Variants in THSD4 observed in about 807,000 individuals in gnomAD.
The protein encoded by THSD4 is thrombospondin type 1 domain containing 4, also known as thrombospondin type-1 domain-containing protein 4.
A neutral mutation model predicts 119.0 loss-of-function variants in THSD4; 69 were observed. The observed-to-expected ratio is 0.58, with a 90% CI of 0.48 to 0.71. The LOEUF is 0.71. Ranked by LOEUF, THSD4 falls within the 30% of genes least tolerant of loss-of-function variation. THSD4 has a pLI of 0.00. For missense variants in THSD4, 1,393 were observed against 1,391.1 expected (o/e 1.00, Z -0.02); for synonymous variants, 524 against 540.4 (o/e 0.97, Z 0.42).
At chr15:71,428,963 C>A (rs2046908787) in intron 7 of THSD4, among the ~76,000 whole-genome samples, 1 of 152,198 alleles carries the variant, frequency 6.6e-6, no homozygotes, top group African/African-American at 2.4e-5. Flanking sequence ...CATGCTCATT[C>A]ATTTTACATT....
At chr15:71,122,414 C>A (rs1189286248) in intron 1 of THSD4, among the ~76,000 whole-genome samples, 2 of 152,146 alleles carry the variant, frequency 1.3e-5, no homozygotes, top group Non-Finnish European at 2.9e-5. Flanking sequence ...AAAACAAATA[C>A]TGGCGGTGGG....
intron 6 of THSD4, among the ~76,000 whole-genome samples, chr15:71,366,304 G>A (rs560879382): frequency 6.6e-5 from 10 of 152,216 alleles, no homozygotes; most frequent in East Asian, 3.9e-4. Flanking sequence ...TCGATCTCCC[G>A]TCCTCATGAT....
chr15:71,540,135 C>CT (rs35668266), intron 7 of THSD4, among the ~76,000 whole-genome samples: 1,581 of 95,102 alleles, frequency 0.017, 62 homozygotes, highest in African/African-American at 0.05. Context: ...ATTTTATTTA[C>CT]TTTTTTTTTT....
intron 7 of THSD4, among the ~76,000 whole-genome samples, chr15:71,466,253 G>A (rs1443540362): frequency 6.6e-6 from 1 of 151,712 alleles, no homozygotes; most frequent in Non-Finnish European, 1.5e-5. Flanking sequence ...GCTGAGGCAG[G>A]AGAATGGTGT....
chr15:71,295,033 C>T (rs543481800), intron 6 of THSD4, among the ~76,000 whole-genome samples: 54 of 151,636 alleles, frequency 3.6e-4, no homozygotes, highest in African/African-American at 1.2e-3. Context: ...GGGTGAGTGG[C>T]GCTTGCGTCA....
At chr15:71,488,920 T>A (rs2047867672) in intron 7 of THSD4, among the ~76,000 whole-genome samples, 1 of 152,206 alleles carries the variant, frequency 6.6e-6, no homozygotes, top group Non-Finnish European at 1.5e-5. Context: ...ATTAATTCCT[T>A]ATGCTTCTCT....
Position 71,551,751 on chromosome 15 carries a change from G to A in THSD4, c.1153-108779G>A, listed in dbSNP as rs184518271. On this transcript the variant is annotated intron_variant, in intron 7 of 17. Transcript: ENST00000261862. ...TTGCCAGCTAGGAAGCTTGTTAGAG[G>A]CCTAGAGCCCAGCATCTTTACTGGG... 1.8e-4 allele frequency among the ~76,000 whole-genome samples: 28 copies of A among 152,228 alleles called. No individual in the cohort carries two copies. In the East Asian group the frequency reaches 5.2e-3, roughly 28 times the overall value.
intron 6 of THSD4, among the ~76,000 whole-genome samples, chr15:71,283,950 T>G (rs1450337989): frequency 6.6e-6 from 1 of 152,038 alleles, no homozygotes; most frequent in African/African-American, 2.4e-5. Flanking sequence ...GATTCTTTAC[T>G]TTAGAAAAGA....
intron 8 of THSD4, among the ~76,000 whole-genome samples, chr15:71,728,110 T>G (rs1201601448): frequency 6.6e-6 from 1 of 152,120 alleles, no homozygotes. Flanking sequence ...GCTCAGTTAT[T>G]TTTTTTAATA....
At chr15:71,642,543 AC>A (rs1033013336) in intron 7 of THSD4, among the ~76,000 whole-genome samples, 2 of 152,210 alleles carry the variant, frequency 1.3e-5, no homozygotes, top group Admixed American at 6.5e-5. Flanking sequence ...AAGACTTGGA[AC>A]CAACCCAAAT....
At chr15:71,774,101 CA>C (rs2053870567) in intron 17 of THSD4, among the ~76,000 whole-genome samples, 2 of 151,990 alleles carry the variant, frequency 1.3e-5, no homozygotes, top group African/African-American at 4.8e-5. Context: ...TCACTTGGGC[CA>C]GGAGTTTGAG....
intron 6 of THSD4, among the ~76,000 whole-genome samples, chr15:71,350,910 G>A (rs2140405326): frequency 6.6e-6 from 1 of 152,306 alleles, no homozygotes; most frequent in African/African-American, 2.4e-5. Flanking sequence ...GGCGGTGGCT[G>A]TTTTATTACC....
At chr15:71,259,182 G>A (rs970865377) in intron 6 of THSD4, among the ~76,000 whole-genome samples, 2 of 152,028 alleles carry the variant, frequency 1.3e-5, no homozygotes, top group African/African-American at 4.8e-5. Flanking sequence ...TATGCCAAGT[G>A]ATGATGAAGA....
chr15:71,392,031 A>G (rs1801485913), intron 6 of THSD4, among the ~76,000 whole-genome samples: 3 of 152,186 alleles, frequency 2.0e-5, no homozygotes, highest in South Asian at 2.1e-4. Flanking sequence ...TAACTTGGCC[A>G]TGTTTCTATG....
intron 6 of THSD4, among the ~76,000 whole-genome samples, chr15:71,304,099 C>T (rs2044990600): frequency 6.6e-6 from 1 of 152,204 alleles, no homozygotes; most frequent in African/African-American, 2.4e-5. Flanking sequence ...ATGCCTCTAG[C>T]AGTGTTGGAC....
rs139989038 is a variant in THSD4, at chr15:71,712,666, C to T, written c.1358-15883C>T. Among the ~76,000 whole-genome samples, 61 of 152,288 alleles carry T rather than the reference C, an allele frequency of 4.0e-4. 1 individual carries two copies. Among genetic ancestry groups the T allele is most frequent in the African/African-American group, 1.4e-3 (59 of 41,560 alleles). On this transcript the variant is annotated intron_variant, in intron 8 of 17. Transcript: ENST00000261862. ...AATTGATAAGCCTCTATTCACAGCC[C>T]TTTACCCTAGTACAACCCAACTATT... is the stretch of plus-strand genomic sequence containing the variant.
chr15:71,150,079 C>T (rs940542012), intron 2 of THSD4, among the ~76,000 whole-genome samples: 6 of 152,008 alleles, frequency 3.9e-5, no homozygotes, highest in East Asian at 1.9e-4. Flanking sequence ...GCTTCCCCCA[C>T]GCCACTTGGA....
At chr15:71,327,853 G>A (rs1413577528) in intron 6 of THSD4, among the ~76,000 whole-genome samples, 1 of 152,118 alleles carries the variant, frequency 6.6e-6, no homozygotes, top group Non-Finnish European at 1.5e-5. Context: ...AAATAAATGT[G>A]TTAACAATGT....
intron 6 of THSD4, among the ~76,000 whole-genome samples, chr15:71,394,266 C>CTTTTTTTTTTTTTTTTTTTTTTTTTTTTT (rs58372446): frequency 1.1e-5 from 1 of 89,688 alleles, no homozygotes; most frequent in Non-Finnish European, 2.1e-5. Context: ...ACACATTTGT[C>CTTTTTTTTTTTTTTTTTTTTTTTTTTTTT]TTTTTTTTTT....
Sources: allele counts gnomAD v4.1 joint callset (sites outside exome capture counted in the v4.1 genomes callset), GRCh38; gene constraint gnomAD v4.1.1; transcripts MANE v1.5; gene names NCBI Gene and HGNC (gene_info 2026-07-23, HGNC 2026-07-21).